CAMKMT: variants seen among roughly 807,000 people sequenced by gnomAD.
The protein encoded by CAMKMT is CaM KMT.
Under a neutral mutation model 48.0 loss-of-function variants are expected in CAMKMT, and 53 were observed. The ratio of observed to expected loss-of-function variants is 1.10; its 90% CI spans 0.89 to 1.39. CAMKMT has a LOEUF of 1.39. CAMKMT is among the 40% of genes most tolerant of loss of function. The pLI, the probability that CAMKMT is intolerant of heterozygous loss-of-function variation, is 0.00. For missense variants in CAMKMT, 428 were observed against 402.7 expected (o/e 1.06, Z -0.54); for synonymous variants, 165 against 152.3 (o/e 1.08, Z -0.61).
chr2:44,685,665 G>C (rs1199725738), intron 3 of CAMKMT, among the ~76,000 whole-genome samples: 1 of 152,116 alleles, frequency 6.6e-6, no homozygotes, highest in Admixed American at 6.5e-5. Flanking sequence ...CACTCTAAAT[G>C]GGGGGAAATA....
intron 3 of CAMKMT, chr2:44,391,743 A>G (rs1172678999): frequency 6.5e-6 from 1 of 152,844 alleles, no homozygotes. Context: ...ATCAATTATT[A>G]TTTTAGGCAT....
In CAMKMT at chr2:44,725,143, C is replaced by CGTGTGTGTGTGTGT. The variant is rs4039394; in HGVS notation, c.623+9815_623+9828dup. Among the ~76,000 whole-genome samples, 964 of 140,622 alleles carry CGTGTGTGTGTGTGT rather than the reference C, an allele frequency of 6.9e-3. 6 individuals carry two copies. The highest frequency in any genetic ancestry group is 0.014 in the Middle Eastern group (4 of 276). 92.3% of individuals were successfully genotyped at this position (140,622 alleles called of 152,430 possible). A position where few individuals can be genotyped will look rare whatever the true frequency, so the allele number is the denominator to read the frequency against. On this transcript the variant is annotated intron_variant, in intron 7 of 10. Coordinates refer to ENST00000378494, the MANE Select transcript of CAMKMT (RefSeq NM_024766.5). ...TTACAGCATTGTCTTGCTTTCTGGA[C>CGTGTGTGTGTGTGT]GTGTGTGTGTGTGTGTGTGTGTGTG...
intron 2 of CAMKMT, 52 bp downstream of exon 2, chr2:44,372,940 A>G: frequency 1.4e-6 from 2 of 1,443,480 alleles, no homozygotes; most frequent in Non-Finnish European, 1.9e-6. Flanking sequence ...CTCTTGGATA[A>G]GAAAAACAAT....
At chr2:44,426,141 A>C (rs1345295028) in intron 3 of CAMKMT, among the ~76,000 whole-genome samples, 1 of 152,256 alleles carries the variant, frequency 6.6e-6, no homozygotes, top group Non-Finnish European at 1.5e-5. Flanking sequence ...ATTAGAAATT[A>C]TGCTATCACT....
chr2:44,473,333 C>T (rs1463439406), intron 3 of CAMKMT, among the ~76,000 whole-genome samples: 1 of 152,088 alleles, frequency 6.6e-6, no homozygotes, highest in Non-Finnish European at 1.5e-5. Flanking sequence ...AAAATGTTAA[C>T]AATCTATGTT....
intron 3 of CAMKMT, among the ~76,000 whole-genome samples, chr2:44,522,138 G>C (rs1671148373): frequency 6.6e-6 from 1 of 151,714 alleles, no homozygotes; most frequent in Non-Finnish European, 1.5e-5. Flanking sequence ...CGAGTAGCTG[G>C]GACTACAGGC....
At chr2:44,647,618 A>T (rs190671539) in intron 3 of CAMKMT, among the ~76,000 whole-genome samples, 6 of 151,954 alleles carry the variant, frequency 3.9e-5, no homozygotes, top group Non-Finnish European at 8.8e-5. Flanking sequence ...GAATATTGAA[A>T]CTATGGGCCG....
At chr2:44,437,095 C>T (rs951704979) in intron 3 of CAMKMT, among the ~76,000 whole-genome samples, 3 of 152,096 alleles carry the variant, frequency 2.0e-5, no homozygotes, top group South Asian at 2.1e-4. Context: ...ACTATTCTGT[C>T]CAGATTTTTC....
At chr2:44,560,952 A>T (rs1482224306) in intron 3 of CAMKMT, among the ~76,000 whole-genome samples, 1 of 152,040 alleles carries the variant, frequency 6.6e-6, no homozygotes, top group Non-Finnish European at 1.5e-5. Flanking sequence ...TTTCTTTTTG[A>T]TTCTTGTTCT....
intron 3 of CAMKMT, among the ~76,000 whole-genome samples, chr2:44,514,484 C>A (rs550926609): frequency 1.3e-5 from 2 of 152,104 alleles, no homozygotes; most frequent in African/African-American, 4.8e-5. Flanking sequence ...TGAGAGCAGG[C>A]GGACATTGGT....
chr2:44,682,794 A>G (rs975486095), intron 3 of CAMKMT, among the ~76,000 whole-genome samples: 1 of 152,196 alleles, frequency 6.6e-6, no homozygotes, highest in African/African-American at 2.4e-5. Flanking sequence ...GTATGTGAAA[A>G]TTGTATATAT....
intron 3 of CAMKMT, among the ~76,000 whole-genome samples, chr2:44,397,038 G>A (rs370059189): frequency 1.1e-4 from 15 of 141,164 alleles, no homozygotes; most frequent in Admixed American, 3.7e-4. Context: ...CAGCCCAGGC[G>A]ACAGAGTGAG....
chr2:44,610,021 C>T (rs1051539335), intron 3 of CAMKMT, among the ~76,000 whole-genome samples: 1 of 152,084 alleles, frequency 6.6e-6, no homozygotes, highest in African/African-American at 2.4e-5. Context: ...CATTGACTGT[C>T]AAGAAAATAA....
chr2:44,624,652 T>G (rs1162755924), intron 3 of CAMKMT, among the ~76,000 whole-genome samples: 1 of 152,236 alleles, frequency 6.6e-6, no homozygotes, highest in Non-Finnish European at 1.5e-5. Context: ...ACAAAGGACA[T>G]GAACTCATCA....
Position 44,657,212 on chromosome 2 carries a change from G to A in CAMKMT, c.377-47071G>A. 6.6e-6 allele frequency among the ~76,000 whole-genome samples: 1 copy of A among 152,152 alleles called. No homozygotes were observed. The highest frequency in any genetic ancestry group is 1.9e-4 in the East Asian group (1 of 5,200). Reference sequence around the variant, plus strand: ...GGAGAGGTCAGGACCTCTCAGAGTTGAATTTTAGAAGATTCAGATAACTTC... The same window carrying A: ...GGAGAGGTCAGGACCTCTCAGAGTTAAATTTTAGAAGATTCAGATAACTTC... On this transcript the variant is annotated intron_variant, in intron 3 of 10. Coordinates refer to ENST00000378494, the MANE Select transcript of CAMKMT (RefSeq NM_024766.5). The surrounding 1 kb of genome is among the most constrained non-coding windows in gnomAD (Gnocchi z 4.3).
At chr2:44,545,675 C>G (rs993107175) in intron 3 of CAMKMT, among the ~76,000 whole-genome samples, 4 of 132,440 alleles carry the variant, frequency 3.0e-5, no homozygotes, top group African/African-American at 1.1e-4. Flanking sequence ...AACTTCTAGA[C>G]TCGGTCTTTT....
At chr2:44,719,775 G>A (rs902505765) in intron 7 of CAMKMT, among the ~76,000 whole-genome samples, 2 of 152,144 alleles carry the variant, frequency 1.3e-5, no homozygotes, top group African/African-American at 4.8e-5. Flanking sequence ...TGTAGTGTCT[G>A]TAGACAAACT....
chr2:44,451,202 T>C (rs1667268666), intron 3 of CAMKMT, among the ~76,000 whole-genome samples: 1 of 152,062 alleles, frequency 6.6e-6, no homozygotes, highest in Admixed American at 6.6e-5. Flanking sequence ...AAGAAACACA[T>C]TTAGTTCCTA....
At chr2:44,566,558 C>A (rs1668629133) in intron 3 of CAMKMT, among the ~76,000 whole-genome samples, 1 of 152,058 alleles carries the variant, frequency 6.6e-6, no homozygotes. Context: ...AGCCATAAGG[C>A]CACCGTGGGG....
Sources: allele counts gnomAD v4.1 joint callset (sites outside exome capture counted in the v4.1 genomes callset), GRCh38; gene constraint gnomAD v4.1.1; non-coding constraint Gnocchi (gnomAD v3.1); transcripts MANE v1.5; gene names NCBI Gene and HGNC (gene_info 2026-07-23, HGNC 2026-07-21).